The following SLC4A4 variants were observed in gnomAD, a reference collection of about 807,000 sequenced individuals.
SLC4A4 encodes the protein solute carrier family 4 member 4.
Under a neutral mutation model 111.5 loss-of-function variants are expected in SLC4A4, and 27 were observed. The ratio of observed to expected loss-of-function variants is 0.24; its 90% CI spans 0.18 to 0.33. SLC4A4 has a LOEUF of 0.33. Ranked by LOEUF, SLC4A4 falls within the 10% of genes least tolerant of loss-of-function variation. SLC4A4 has a pLI of 1.00. For synonymous variants in SLC4A4, 443 were observed against 463.4 expected (o/e 0.96, Z 0.57); for missense variants, 909 against 1,315.5 (o/e 0.69, Z 4.78).
chr4:71,282,053 T>C (rs1343441197), intron 3 of SLC4A4, among the ~76,000 whole-genome samples: 1 of 152,008 alleles, frequency 6.6e-6, no homozygotes, highest in East Asian at 1.9e-4. Context: ...AAAAAGAACA[T>C]TTACTTCTTT....
intron 2 of SLC4A4, among the ~76,000 whole-genome samples, chr4:71,240,000 G>A (rs1246212150): frequency 6.6e-6 from 1 of 152,134 alleles, no homozygotes; most frequent in Non-Finnish European, 1.5e-5. Flanking sequence ...AACATTACCA[G>A]AATGATCCAT....
chr4:71,064,642 A>G (rs1278708636), intron 1 of SLC4A4, among the ~76,000 whole-genome samples: 1 of 152,234 alleles, frequency 6.6e-6, no homozygotes, highest in Non-Finnish European at 1.5e-5. Context: ...GGACCTAGCT[A>G]AGTGGAAGGA....
chr4:71,466,064 G>C (rs750809005), intron 12 of SLC4A4, among the ~76,000 whole-genome samples: 1 of 152,048 alleles, frequency 6.6e-6, no homozygotes, highest in Non-Finnish European at 1.5e-5. Flanking sequence ...ACACTGAAAG[G>C]AACCACAAAG....
chr4:71,244,996 G>A (rs1354480130), intron 2 of SLC4A4, among the ~76,000 whole-genome samples: 2 of 152,104 alleles, frequency 1.3e-5, no homozygotes, highest in Admixed American at 6.6e-5. Context: ...GAGTTTACAT[G>A]GAAGGCCAGG....
chr4:71,395,958 A>G (rs758078879), intron 6 of SLC4A4, among the ~76,000 whole-genome samples: 6 of 152,208 alleles, frequency 3.9e-5, no homozygotes, highest in African/African-American at 4.8e-5. Flanking sequence ...AGTTAGTCCA[A>G]ATAGCTGGTT....
Position 71,468,727 on chromosome 4 carries a change from T to C in SLC4A4, c.1631+2150T>C, listed in dbSNP as rs1419896646. Among the ~76,000 whole-genome samples, 4 of 59,702 alleles carry C rather than the reference T, an allele frequency of 6.7e-5. No homozygotes were observed. In the East Asian group the frequency reaches 2.6e-3, roughly 38 times the overall value. 39.2% of individuals were successfully genotyped at this position (59,702 alleles called of 152,430 possible). The stretch of plus-strand genomic sequence containing the variant: ...TTCATCAATTACTAGACTCATTCCA[T>C]GCTCCATGAAAAAAAAAAACCTCTG... On this transcript the variant is annotated intron_variant, in intron 13 of 25. Coordinates refer to ENST00000264485, the MANE Select transcript of SLC4A4 (RefSeq NM_001098484.3).
At chr4:71,332,057 G>A (rs1411956502) in intron 3 of SLC4A4, among the ~76,000 whole-genome samples, 4 of 151,978 alleles carry the variant, frequency 2.6e-5, no homozygotes, top group Non-Finnish European at 5.9e-5. Flanking sequence ...ATTTATTTGG[G>A]TTCTCTCTTT....
rs373027382 is a variant in SLC4A4, at chr4:71,397,706, G to T, written c.807+53G>T. ...AATGTAAGAGAACGTATATCTAAAAGATGCTGAGAAAGGATTAGAGGTGAT... is the reference window on the plus strand; with the variant it reads ...AATGTAAGAGAACGTATATCTAAAATATGCTGAGAAAGGATTAGAGGTGAT... On this transcript the variant is annotated intron_variant, in intron 7 of 25. Transcript: ENST00000264485. 2.0e-6 allele frequency: 3 copies of T among 1,473,512 alleles called. 1 individual carries two copies. The highest frequency in any genetic ancestry group is 2.3e-5 in the East Asian group (1 of 44,100). The allele number at this position is 1,473,512 out of a possible 1,614,324, so 91.3% of individuals were successfully genotyped here.
At chr4:71,558,757 T>A (rs967135784) in intron 22 of SLC4A4, among the ~76,000 whole-genome samples, 3 of 151,892 alleles carry the variant, frequency 2.0e-5, no homozygotes, top group African/African-American at 4.8e-5. Context: ...TTGTTTGAAA[T>A]TTTTTTCGTC....
intron 3 of SLC4A4, among the ~76,000 whole-genome samples, chr4:71,312,653 C>G (rs1726301920): frequency 6.6e-6 from 1 of 152,150 alleles, no homozygotes; most frequent in Non-Finnish European, 1.5e-5. Flanking sequence ...ATCACATAAA[C>G]AGAACCAATG....
chr4:71,178,416 A>G (rs1178229309), intron 2 of SLC4A4, among the ~76,000 whole-genome samples: 1 of 152,208 alleles, frequency 6.6e-6, no homozygotes, highest in Non-Finnish European at 1.5e-5. Flanking sequence ...TGAATCCAGG[A>G]GCTGGTTTTT....
At chr4:71,385,191 A>ATATCTTTT (rs56949097) in intron 6 of SLC4A4, among the ~76,000 whole-genome samples, 1 of 11,896 alleles carries the variant, frequency 8.4e-5, no homozygotes, top group African/African-American at 2.5e-4. Flanking sequence ...ATATATATAT[A>ATATCTTTT]TTTTTTTTTT....
At chr4:71,107,240 A>C (rs1742956968) in intron 2 of SLC4A4, among the ~76,000 whole-genome samples, 2 of 152,152 alleles carry the variant, frequency 1.3e-5, no homozygotes, top group East Asian at 1.9e-4. Flanking sequence ...GGAATTATTA[A>C]TAGGAAGGGA....
chr4:71,205,115 T>C (rs1265991652), intron 1 of SLC4A4, among the ~76,000 whole-genome samples: 1 of 152,140 alleles, frequency 6.6e-6, no homozygotes, highest in Non-Finnish European at 1.5e-5. Context: ...CCCAGCTTGT[T>C]TGTGTTGCCA....
Position 71,435,669 on chromosome 4 carries a change from G to A in SLC4A4, c.808-4947G>A, listed in dbSNP as rs549488016. Among the ~76,000 whole-genome samples the A allele has an allele frequency of 4.6e-5, 7 of 152,222 alleles. No homozygotes were observed. In the South Asian group the frequency reaches 1.5e-3, roughly 32 times the overall value. On this transcript the variant is annotated intron_variant, in intron 7 of 25. Coordinates refer to ENST00000264485, the MANE Select transcript of SLC4A4 (RefSeq NM_001098484.3). ...TTTTGCAATCTATCCATCTGACAAA[G>A]GACTAATATCCAGAATCTACAAAGA...
chr4:71,282,508 C>T (rs1723603395), intron 3 of SLC4A4, among the ~76,000 whole-genome samples: 1 of 150,344 alleles, frequency 6.7e-6, no homozygotes, highest in Admixed American at 6.6e-5. Flanking sequence ...TGGTCACGAA[C>T]ACCTGATATC....
At chr4:71,139,890 A>G (rs566354527) in intron 2 of SLC4A4, among the ~76,000 whole-genome samples, 34 of 152,252 alleles carry the variant, frequency 2.2e-4, no homozygotes, top group African/African-American at 7.7e-4. Flanking sequence ...GAAATATGCA[A>G]TACATTGTTG....
intron 2 of SLC4A4, among the ~76,000 whole-genome samples, chr4:71,248,377 C>A (rs1211330945): frequency 1.3e-5 from 2 of 150,570 alleles, no homozygotes; most frequent in Non-Finnish European, 3.0e-5. Context: ...TATATATAAT[C>A]TCTCTATAAA....
At chr4:71,343,866 T>C (rs1179552913) in intron 4 of SLC4A4, among the ~76,000 whole-genome samples, 1 of 152,136 alleles carries the variant, frequency 6.6e-6, no homozygotes, top group East Asian at 1.9e-4. Flanking sequence ...TGCTAATCTG[T>C]CAGGAACTTT....
Sources: gnomAD v4.1 joint callset for allele counts (sites outside exome capture counted in the v4.1 genomes callset) on GRCh38, gnomAD v4.1.1 for gene constraint, MANE v1.5 for transcripts, NCBI Gene and HGNC (gene_info 2026-07-23, HGNC 2026-07-21) for gene names.